The following TDRD10 variants were observed in gnomAD, a reference collection of about 807,000 sequenced individuals.
TDRD10 encodes the protein tudor domain-containing protein 10.
In TDRD10, 40 loss-of-function variants were observed where a neutral mutation model predicts 48.0. The observed-to-expected ratio is 0.83, with a 90% CI of 0.65 to 1.09. The LOEUF (loss-of-function observed/expected upper bound fraction) is 1.09, where lower values mean the gene tolerates loss of function less well. Among genes scored for constraint, TDRD10 ranks in the 50% least tolerant of loss-of-function variants. TDRD10 has a pLI of 0.00. For synonymous variants in TDRD10, 162 were observed against 170.4 expected (o/e 0.95, Z 0.38); for missense variants, 378 against 434.7 (o/e 0.87, Z 1.16).
rs771673363 is a variant in TDRD10 at position 154,547,406 on chromosome 1, C to T, written c.953-3C>T. ...GGTTTTGTTGTTGTGTCTTGTTTTG[C>T]AGACATTTTGAGTTCGTATGAGGTT... On this transcript the variant is annotated splice_region_variant and splice_polypyrimidine_tract_variant and intron_variant, in intron 11 of 12. Coordinates refer to ENST00000368482, the MANE Select transcript of TDRD10 (RefSeq NM_182499.4). 6.2e-7 allele frequency: 1 copy of T among 1,614,140 alleles called. No homozygotes were observed. Among genetic ancestry groups the T allele is most frequent in the Admixed American group, 1.7e-5 (1 of 60,016 alleles).
intron 4 of TDRD10, among the ~76,000 whole-genome samples, chr1:154,519,659 C>T (rs1039601064): frequency 4.6e-5 from 7 of 152,052 alleles, no homozygotes; most frequent in Admixed American, 1.3e-4. Context: ...TAGGTGGAGA[C>T]GGCTCTTTCT....
At position 154,508,566 on chromosome 1, in the gene TDRD10, T is replaced by A. The variant is rs1693275869; in HGVS notation, c.141+85T>A. 7 of 929,638 alleles carry A rather than the reference T, an allele frequency of 7.5e-6. No homozygotes were observed. In the South Asian group the frequency reaches 9.2e-5, roughly 12 times the overall value. The allele number at this position is 929,638 out of a possible 1,614,324, so 57.6% of individuals were successfully genotyped here. On this transcript the variant is annotated intron_variant, in intron 4 of 12. Transcript: ENST00000368482. ...CCTGCTAGTAACTTAATTTCCCCAGTTTTTAAAGACGTTTGAGAGCTATGA... is the reference window on the plus strand; with the variant it reads ...CCTGCTAGTAACTTAATTTCCCCAGATTTTAAAGACGTTTGAGAGCTATGA...
chr1:154,547,370 C>G, intron 11 of TDRD10, 39 bp from the exon 12 acceptor site: 1 of 1,612,734 alleles, frequency 6.2e-7, no homozygotes, highest in South Asian at 1.1e-5. Context: ...TGCCCAACCC[C>G]GTGCCACTGA....
chr1:154,547,620 G>A, intron 12 of TDRD10, 58 bp from the exon 13 acceptor site: 1 of 1,614,216 alleles, frequency 6.2e-7, no homozygotes, highest in South Asian at 1.1e-5. Flanking sequence ...CTGAGGGGTT[G>A]GGTGAACTGG....
intron 8 of TDRD10, 56 bp from the exon 9 acceptor site, chr1:154,543,907 C>T: frequency 1.9e-6 from 3 of 1,602,970 alleles, no homozygotes; most frequent in Non-Finnish European, 2.6e-6. Flanking sequence ...CCAGTCGTTC[C>T]TTTCCTTGCG....
At chr1:154,509,489 C>A (rs574620889) in intron 4 of TDRD10, among the ~76,000 whole-genome samples, 2 of 152,136 alleles carry the variant, frequency 1.3e-5, no homozygotes, top group Non-Finnish European at 2.9e-5. Flanking sequence ...TGAGAGGTCA[C>A]GTCCCGCAGC....
chr1:154,514,008 G>T (rs1693619461), intron 4 of TDRD10, among the ~76,000 whole-genome samples: 1 of 152,110 alleles, frequency 6.6e-6, no homozygotes, highest in Admixed American at 6.6e-5. Flanking sequence ...TGGCCAGTGT[G>T]GTGAAACCTC....
At chr1:154,531,868 C>G (rs1251427226) in intron 6 of TDRD10, among the ~76,000 whole-genome samples, 1 of 152,190 alleles carries the variant, frequency 6.6e-6, no homozygotes, top group East Asian at 1.9e-4. Context: ...CACACAAGTT[C>G]TCCACCTCAC....
At chr1:154,544,676 CAG>C (rs1238040354) in intron 10 of TDRD10, 117 bp from the exon 11 acceptor site, 6 of 1,484,722 alleles carry the variant, frequency 4.0e-6, no homozygotes, top group Admixed American at 4.5e-5. Context: ...TGGGGAGAAA[CAG>C]AGCAAACTCG....
intron 6 of TDRD10, among the ~76,000 whole-genome samples, chr1:154,539,708 CG>C (rs1261739261): frequency 6.6e-6 from 1 of 152,232 alleles, no homozygotes; most frequent in Non-Finnish European, 1.5e-5. Context: ...GTTACCTCCA[CG>C]ATCAAGGTAA....
chr1:154,525,710 A>G (rs1570936879), intron 6 of TDRD10, among the ~76,000 whole-genome samples: 1 of 152,304 alleles, frequency 6.6e-6, no homozygotes, highest in South Asian at 2.1e-4. Context: ...CCTAGCCAAC[A>G]TGGCGAAACC....
rs1401922993 is a variant in TDRD10 at position 154,521,451 on chromosome 1, A to G, written c.341A>G (p.Asp114Gly). Residue 114 changes from aspartate (D) to glycine (G), a missense_variant, in exon 6 of 13, where the codon GAT becomes GGT. Asp to Gly is a moderately conservative substitution (Grantham distance 94). Coordinates refer to ENST00000368482, the MANE Select transcript of TDRD10 (RefSeq NM_182499.4). ...AAAAGGCCCCCCAAGAGGACCCCTG[A>G]TATGATCCAGCAGCCTCGGGCCCCG... ...TSKRPPKRTP[D>G]MIQQPRAPLV... 1.2e-6 allele frequency: 2 copies of G among 1,614,036 alleles called. No homozygotes were observed. The highest frequency in any genetic ancestry group is 1.7e-6 in the Non-Finnish European group (2 of 1,180,022).
intron 1 of TDRD10, among the ~76,000 whole-genome samples, chr1:154,505,618 GA>G (rs542249594): frequency 4.0e-4 from 61 of 151,116 alleles, no homozygotes; most frequent in Non-Finnish European, 5.8e-4. Context: ...TAAAGTACAG[GA>G]AAAAAAAATC....
chr1:154,543,016 C>A (rs779520114), intron 8 of TDRD10, among the ~76,000 whole-genome samples, 195 bp downstream of exon 8: 4 of 152,172 alleles, frequency 2.6e-5, no homozygotes, highest in Non-Finnish European at 5.9e-5. Context: ...TGACTCATGC[C>A]TGTAATCCCA....
At position 154,538,023 on chromosome 1, in the gene TDRD10, G is replaced by A. The variant is rs553163564; in HGVS notation, c.370-4001G>A. Among the ~76,000 whole-genome samples, 63 of 152,274 alleles carry A rather than the reference G, an allele frequency of 4.1e-4. No individual in the cohort carries two copies. The South Asian group carries it at 0.013, about 31-fold the overall frequency. On this transcript the variant is annotated intron_variant, in intron 6 of 12. Coordinates refer to ENST00000368482, the MANE Select transcript of TDRD10 (RefSeq NM_182499.4). ...TTGTATTACAGACACGTCGGAAATT[G>A]GAGGTCTGTGTTTAGGTGATGTGCC...
In TDRD10 at chr1:154,544,966, C is replaced by CTA. The variant is rs1441363038; in HGVS notation, c.952+18_952+19insAT. 3.7e-6 allele frequency: 6 copies of CTA among 1,612,938 alleles called. No homozygotes were observed. The Admixed American group carries it at 1.0e-4, about 27-fold the overall frequency. On this transcript the variant is annotated intron_variant, in intron 11 of 12. Transcript: ENST00000368482. ...TGGAGAAAGGTGAGACATCTTCTAT[C>CTA]TTCCTCCCAAGGGTTTCAGGGACAG...
rs894097630 is a variant in TDRD10 at position 154,544,466 on chromosome 1, C to T, written c.746C>T (p.Thr249Ile). The part of the protein sequence containing the change: ...YLEGSTVMRG[T>I]RCLAEYHLGD... Reference sequence around the variant, plus strand: ...GAGGGCTCCACCGTTATGCGCGGGACTCGCTGTCTGGCAGAGTACCACCTG... The same window carrying T: ...GAGGGCTCCACCGTTATGCGCGGGATTCGCTGTCTGGCAGAGTACCACCTG... Residue 249 changes from threonine to isoleucine, a missense_variant, in exon 10 of 13, where the codon ACT becomes ATT. By Grantham distance (89) the Thr-to-Ile change is moderately conservative (BLOSUM62 -1). Around this residue, in one of 2 missense-constraint regions of TDRD10, gnomAD observed 310 missense variants for 323.6 expected, o/e 0.96. Coordinates refer to ENST00000368482, the MANE Select transcript of TDRD10 (RefSeq NM_182499.4). 2 of 1,613,466 alleles carry T rather than the reference C, an allele frequency of 1.2e-6. No homozygotes were observed. Among genetic ancestry groups the T allele is most frequent in the South Asian group, 1.1e-5 (1 of 90,742 alleles).
chr1:154,546,831 C>T (rs370944411), intron 11 of TDRD10, among the ~76,000 whole-genome samples: 64 of 152,292 alleles, frequency 4.2e-4, no homozygotes, highest in African/African-American at 1.3e-3. Context: ...GAAATGAACT[C>T]ATACTTAATA....
chr1:154,545,533 A>G (rs1695500966), intron 11 of TDRD10, among the ~76,000 whole-genome samples: 1 of 152,204 alleles, frequency 6.6e-6, no homozygotes, highest in African/African-American at 2.4e-5. Context: ...AGAAGCATAC[A>G]TACACATACA....
Sources: allele counts gnomAD v4.1 joint callset (sites outside exome capture counted in the v4.1 genomes callset), GRCh38; gene constraint gnomAD v4.1.1; regional missense constraint gnomAD v4.1.1; transcripts MANE v1.5; gene names NCBI Gene and HGNC (gene_info 2026-07-23, HGNC 2026-07-21).